Variants in CASZ1 observed in about 807,000 individuals in gnomAD.
CASZ1 encodes the protein castor zinc finger 1, also known as zinc finger protein castor homolog 1.
A neutral mutation model predicts 135.2 loss-of-function variants in CASZ1; 28 were observed. The ratio of observed to expected loss-of-function variants is 0.21; its 90% CI spans 0.15 to 0.28. CASZ1 has a LOEUF of 0.28. CASZ1 is among the 10% of genes least tolerant of loss of function. The probability of loss-of-function intolerance (pLI) is 1.00; values close to 1 mark genes in which losing one functional copy is unlikely to be tolerated. For missense variants in CASZ1, 2,161 were observed against 2,453.3 expected (o/e 0.88, Z 2.52); for synonymous variants, 1,068 against 1,073.4 (o/e 0.99, Z 0.10).
chr1:10,770,843 C>G (rs1227097988), intron 1 of CASZ1, among the ~76,000 whole-genome samples: 1 of 152,194 alleles, frequency 6.6e-6, no homozygotes, highest in Non-Finnish European at 1.5e-5. Context: ...TCTTTTACCT[C>G]GGATCACCCT....
intron 1 of CASZ1, among the ~76,000 whole-genome samples, chr1:10,765,508 G>T (rs189691035): frequency 7.2e-5 from 11 of 152,148 alleles, no homozygotes; most frequent in Non-Finnish European, 1.6e-4. Flanking sequence ...GGCCCACGAC[G>T]GGTACGCCCA....
intron 11 of CASZ1, 113 bp downstream of exon 11, chr1:10,653,264 G>A (rs1642656839): frequency 9.1e-7 from 1 of 1,099,448 alleles, no homozygotes; most frequent in East Asian, 2.4e-5. Context: ...GCAAGCAGGG[G>A]CCACACGGAC....
chr1:10,707,710 T>C lies in CASZ1; in HGVS notation c.-76-2166A>G, dbSNP rs901293325. On this transcript the variant is annotated intron_variant, in intron 2 of 20. Coordinates refer to ENST00000377022, the MANE Select transcript of CASZ1 (RefSeq NM_001079843.3). This position sits in a 1 kb window ranked among gnomAD's most constrained non-coding sequence, Gnocchi z 5.0. ...CCCCAGTGGGGGCCTAAGAAGTAGC[T>C]GAGAGTTCATCTTGGTCTCTTCTTC... Among the ~76,000 whole-genome samples, 1 of 152,170 alleles carries C rather than the reference T, an allele frequency of 6.6e-6. No individual in the cohort carries two copies.
chr1:10,702,481 G>A (rs974273542), intron 3 of CASZ1, among the ~76,000 whole-genome samples: 1 of 152,218 alleles, frequency 6.6e-6, no homozygotes, highest in Non-Finnish European at 1.5e-5. Context: ...GTGGAACAGG[G>A]AACTCACCCA....
At chr1:10,653,151 G>A (rs1478135797) in intron 11 of CASZ1, 2 of 624,738 alleles carry the variant, frequency 3.2e-6, no homozygotes, top group South Asian at 3.5e-5. Context: ...CTCACAGATG[G>A]GGAAACAGAA....
At chr1:10,760,157 C>T (rs535632380) in intron 2 of CASZ1, among the ~76,000 whole-genome samples, 7 of 152,306 alleles carry the variant, frequency 4.6e-5, no homozygotes, top group East Asian at 1.9e-4. Context: ...CTATTTGGGC[C>T]GGAGGACCAC....
At chr1:10,753,441 G>A (rs1479018977) in intron 2 of CASZ1, among the ~76,000 whole-genome samples, 1 of 152,238 alleles carries the variant, frequency 6.6e-6, no homozygotes, top group Non-Finnish European at 1.5e-5. Flanking sequence ...ACCCCGCAAA[G>A]TCACCTCCAT....
intron 4 of CASZ1, among the ~76,000 whole-genome samples, chr1:10,667,210 CCT>C (rs934178783): frequency 2.0e-5 from 3 of 152,234 alleles, no homozygotes; most frequent in Admixed American, 6.5e-5. Flanking sequence ...ATAACCGTCC[CCT>C]GATAGACACA....
At chr1:10,742,721 T>C (rs1231492038) in intron 2 of CASZ1, among the ~76,000 whole-genome samples, 1 of 152,166 alleles carries the variant, frequency 6.6e-6, no homozygotes, top group African/African-American at 2.4e-5. Flanking sequence ...TGGTGGCTCA[T>C]GCCTGTAATC....
intron 4 of CASZ1, among the ~76,000 whole-genome samples, chr1:10,681,197 G>A (rs1457638948): frequency 6.7e-6 from 1 of 149,130 alleles, no homozygotes; most frequent in Non-Finnish European, 1.5e-5. Flanking sequence ...CACCGTGCCT[G>A]ACCTTTTTTT....
At chr1:10,718,524 T>G (rs1331831076) in intron 2 of CASZ1, among the ~76,000 whole-genome samples, 2 of 152,222 alleles carry the variant, frequency 1.3e-5, no homozygotes, top group Non-Finnish European at 2.9e-5. Flanking sequence ...AGGCTCCTTC[T>G]CCAAGAACCC....
In CASZ1 at chr1:10,657,607, T is replaced by C. The variant is rs1642847477; in HGVS notation, c.1410-871A>G. Among the ~76,000 whole-genome samples the C allele has an allele frequency of 6.6e-6, 1 of 151,320 alleles. No individual in the cohort carries two copies. Among genetic ancestry groups the C allele is most frequent in the Non-Finnish European group, 1.5e-5 (1 of 67,882 alleles). ...CAGAGGAGACAGCACGGGGCAGAGC[T>C]GAAGACAGAGTGGGACAGGGGGGCG... On this transcript the variant is annotated intron_variant, in intron 7 of 20. Transcript: ENST00000377022. The surrounding 1 kb of genome is among the most constrained non-coding windows in gnomAD (Gnocchi z 5.7).
In CASZ1 at chr1:10,726,809, G is replaced by A. The variant is rs1213222164; in HGVS notation, c.-76-21265C>T. Among the ~76,000 whole-genome samples the A allele has an allele frequency of 1.3e-5, 2 of 152,168 alleles. No homozygotes were observed. The highest frequency in any genetic ancestry group is 4.8e-5 in the African/African-American group (2 of 41,428). On this transcript the variant is annotated intron_variant, in intron 2 of 20. Transcript: ENST00000377022. The surrounding 1 kb of genome is among the most constrained non-coding windows in gnomAD (Gnocchi z 5.7). ...ACCCAGGCCCTGAAGAGAGGCCAGGGAGAGGCTAGCATGGGGGTGTTCAGA... is the reference window on the plus strand; with the variant it reads ...ACCCAGGCCCTGAAGAGAGGCCAGGAAGAGGCTAGCATGGGGGTGTTCAGA...
intron 1 of CASZ1, among the ~76,000 whole-genome samples, chr1:10,786,430 C>T (rs1449192426): frequency 2.0e-5 from 3 of 152,190 alleles, no homozygotes; most frequent in African/African-American, 7.2e-5. Context: ...TGCAGCACCA[C>T]GTCACCCTGC....
At chr1:10,728,938 C>T (rs1639646130) in intron 2 of CASZ1, among the ~76,000 whole-genome samples, 1 of 152,180 alleles carries the variant, frequency 6.6e-6, no homozygotes, top group African/African-American at 2.4e-5. Context: ...GTTGGGAAAA[C>T]CAGCCCCTGA....
intron 2 of CASZ1, among the ~76,000 whole-genome samples, chr1:10,744,721 A>G (rs1234576906): frequency 7.9e-6 from 1 of 127,114 alleles, no homozygotes; most frequent in Non-Finnish European, 1.6e-5. Context: ...ACGAGCAGGC[A>G]TGTCCTGGGC....
Position 10,694,441 on chromosome 1 carries a change from G to T in CASZ1, c.-23-529C>A. 1 of 342,598 alleles carries T rather than the reference G, an allele frequency of 2.9e-6. No individual in the cohort carries two copies. Among genetic ancestry groups the T allele is most frequent in the Non-Finnish European group, 4.4e-6 (1 of 227,182 alleles). The allele number at this position is 342,598 out of a possible 1,614,324, so 21.2% of individuals were successfully genotyped here. ...ATTGCTCCTGCCGGTAACACTCAGG[G>T]TAACAGTTTGGCAGGAGGGAGCGGG... is the stretch of plus-strand genomic sequence containing the variant. On this transcript the variant is annotated intron_variant, in intron 3 of 20. Coordinates refer to ENST00000377022, the MANE Select transcript of CASZ1 (RefSeq NM_001079843.3). The surrounding 1 kb of genome is among the most constrained non-coding windows in gnomAD (Gnocchi z 6.6).
intron 2 of CASZ1, among the ~76,000 whole-genome samples, chr1:10,752,256 A>G (rs1485692113): frequency 6.6e-6 from 1 of 152,162 alleles, no homozygotes; most frequent in East Asian, 1.9e-4. Context: ...ACAGTGGGCC[A>G]TCCCTGCCCA....
At position 10,679,544 on chromosome 1, in the gene CASZ1, G is replaced by A. The variant is rs1009731653; in HGVS notation, c.17-13973C>T. Among the ~76,000 whole-genome samples the A allele has an allele frequency of 2.6e-5, 4 of 152,044 alleles. No individual in the cohort carries two copies. The highest frequency in any genetic ancestry group is 4.8e-5 in the African/African-American group (2 of 41,398). On this transcript the variant is annotated intron_variant, in intron 4 of 20. Coordinates refer to ENST00000377022, the MANE Select transcript of CASZ1 (RefSeq NM_001079843.3). The surrounding 1 kb of genome is among the most constrained non-coding windows in gnomAD (Gnocchi z 4.7). ...CTGGCATTCTCCTAGGGCCCCCCGC[G>A]GGCCCCTCCTCCCCATACCATAGTC...
Sources: gnomAD v4.1 joint callset for allele counts (sites outside exome capture counted in the v4.1 genomes callset) on GRCh38, gnomAD v4.1.1 for gene constraint, Gnocchi (gnomAD v3.1) non-coding constraint, MANE v1.5 for transcripts, NCBI Gene and HGNC (gene_info 2026-07-23, HGNC 2026-07-21) for gene names.